Variants in FAF1 observed in about 807,000 individuals in gnomAD.
The protein encoded by FAF1 is Fas associated factor 1.
Under a neutral mutation model 92.5 loss-of-function variants are expected in FAF1, and 25 were observed. The observed-to-expected ratio is 0.27, with a 90% CI of 0.20 to 0.38. FAF1 has a LOEUF of 0.38. FAF1 is among the 10% of genes least tolerant of loss of function. FAF1 has a pLI of 1.00. For synonymous variants in FAF1, 234 were observed against 273.2 expected (o/e 0.86, Z 1.42); for missense variants, 636 against 793.3 (o/e 0.80, Z 2.38).
At chr1:50,641,564 G>A (rs1654330413) in intron 8 of FAF1, among the ~76,000 whole-genome samples, 1 of 152,114 alleles carries the variant, frequency 6.6e-6, no homozygotes, top group Non-Finnish European at 1.5e-5. Flanking sequence ...ATCATCTAAT[G>A]TGTATTGAGA....
At chr1:50,546,729 TCA>T (rs1337404963) in intron 13 of FAF1, among the ~76,000 whole-genome samples, 1 of 152,018 alleles carries the variant, frequency 6.6e-6, no homozygotes, top group Non-Finnish European at 1.5e-5. Context: ...CTGGGGAGGG[TCA>T]CATAGATATG....
intron 8 of FAF1, among the ~76,000 whole-genome samples, chr1:50,628,947 C>A (rs186246965): frequency 1.3e-5 from 2 of 152,176 alleles, no homozygotes; most frequent in East Asian, 3.9e-4. Flanking sequence ...TTTATGTGGT[C>A]ATATCAATAT....
intron 4 of FAF1, among the ~76,000 whole-genome samples, chr1:50,754,923 G>C (rs1386903038): frequency 6.6e-6 from 1 of 152,054 alleles, no homozygotes; most frequent in Non-Finnish European, 1.5e-5. Flanking sequence ...ACTATCATGA[G>C]AACAGCATGG....
chr1:50,483,262 C>A (rs1290466114), intron 17 of FAF1, among the ~76,000 whole-genome samples: 1 of 152,074 alleles, frequency 6.6e-6, no homozygotes, highest in African/African-American at 2.4e-5. Context: ...AAAAGACTAT[C>A]CTTTCCCCAT....
intron 8 of FAF1, among the ~76,000 whole-genome samples, chr1:50,624,399 G>A (rs954384575): frequency 1.3e-5 from 2 of 152,054 alleles, no homozygotes; most frequent in African/African-American, 4.8e-5. Flanking sequence ...TGCCCGCCTC[G>A]GCCTCCCAAA....
At chr1:50,567,290 A>G in intron 12 of FAF1, 59 bp from the exon 13 acceptor site, 1 of 1,358,642 alleles carries the variant, frequency 7.4e-7, no homozygotes. Flanking sequence ...GATTTCTTAA[A>G]TTTTAGAGAG....
chr1:50,803,242 C>A (rs1662067216), intron 2 of FAF1, among the ~76,000 whole-genome samples: 1 of 152,118 alleles, frequency 6.6e-6, no homozygotes. Flanking sequence ...AGAGAATGCT[C>A]TGTGGTGCTG....
chr1:50,854,426 AG>A (rs1644375554), intron 2 of FAF1, among the ~76,000 whole-genome samples: 1 of 152,006 alleles, frequency 6.6e-6, no homozygotes, highest in Admixed American at 6.6e-5. Flanking sequence ...CTCTAAGCGC[AG>A]GACAATGTGA....
In FAF1 at chr1:50,808,786, C is replaced by T. The variant is rs186768573; in HGVS notation, c.115-7109G>A. ...ATTCTGCCTCTATTTTATTGTTTACCCAAAGTCAATCAGGAGCAGGTTAAC... is the reference window on the plus strand; with the variant it reads ...ATTCTGCCTCTATTTTATTGTTTACTCAAAGTCAATCAGGAGCAGGTTAAC... On this transcript the variant is annotated intron_variant, in intron 2 of 18. Coordinates refer to ENST00000396153, the MANE Select transcript of FAF1 (RefSeq NM_007051.3). 1.1e-3 allele frequency among the ~76,000 whole-genome samples: 161 copies of T among 151,836 alleles called. 2 individuals are homozygous for T. Among genetic ancestry groups the T allele is most frequent in the Non-Finnish European group, 5.9e-5 (4 of 67,936 alleles).
intron 7 of FAF1, among the ~76,000 whole-genome samples, chr1:50,688,628 C>T (rs1052236631): frequency 2.0e-5 from 3 of 152,128 alleles, no homozygotes; most frequent in Non-Finnish European, 2.9e-5. Context: ...ACCTGACCAA[C>T]ATGGAGAAAC....
intron 9 of FAF1, among the ~76,000 whole-genome samples, chr1:50,593,955 G>GA (rs1651657998): frequency 1.3e-5 from 2 of 152,016 alleles, no homozygotes; most frequent in Non-Finnish European, 2.9e-5. Flanking sequence ...AATGTAAATG[G>GA]AAAAAAATTT....
At chr1:50,865,501 T>C (rs1220550088) in intron 1 of FAF1, among the ~76,000 whole-genome samples, 1 of 143,604 alleles carries the variant, frequency 7.0e-6, no homozygotes, top group Non-Finnish European at 1.5e-5. Context: ...TGGAATACTA[T>C]GCAGCCATAA....
intron 1 of FAF1, 104 bp from the exon 2 acceptor site, chr1:50,858,101 G>T: frequency 1.4e-6 from 1 of 721,074 alleles, no homozygotes; most frequent in Admixed American, 3.1e-5. Context: ...AATTCAAATA[G>T]GTATATGAAT....
At chr1:50,510,140 T>C (rs1338091051) in intron 15 of FAF1, among the ~76,000 whole-genome samples, 1 of 143,586 alleles carries the variant, frequency 7.0e-6, no homozygotes, top group Non-Finnish European at 1.5e-5. Flanking sequence ...CACTCTAGCC[T>C]GGGTGACAGA....
intron 15 of FAF1, among the ~76,000 whole-genome samples, chr1:50,526,295 A>G (rs960815066): frequency 6.6e-6 from 1 of 151,846 alleles, no homozygotes; most frequent in Non-Finnish European, 1.5e-5. Context: ...AACAATTTTA[A>G]AATTATTTAT....
At chr1:50,554,089 C>T (rs1056089901) in intron 13 of FAF1, among the ~76,000 whole-genome samples, 10 of 150,964 alleles carry the variant, frequency 6.6e-5, no homozygotes, top group Non-Finnish European at 1.3e-4. Context: ...GTTCCTTGAA[C>T]AAAAGGTCCA....
At chr1:50,548,495 T>G (rs1649142087) in intron 13 of FAF1, among the ~76,000 whole-genome samples, 1 of 152,236 alleles carries the variant, frequency 6.6e-6, no homozygotes, top group Non-Finnish European at 1.5e-5. Flanking sequence ...ATGACAATGT[T>G]GACCATACAA....
At chr1:50,901,867 AAAC>A (rs552981469) in intron 1 of FAF1, among the ~76,000 whole-genome samples, 12 of 152,130 alleles carry the variant, frequency 7.9e-5, no homozygotes, top group Non-Finnish European at 1.2e-4. Flanking sequence ...CCTGTCTCAA[AAAC>A]AACAACAACA....
chr1:50,730,501 G>A (rs1229049853), intron 6 of FAF1, among the ~76,000 whole-genome samples: 1 of 151,906 alleles, frequency 6.6e-6, no homozygotes, highest in Non-Finnish European at 1.5e-5. Context: ...TATTTTCAGT[G>A]CACTTACTCT....
Sources: gnomAD v4.1 joint callset for allele counts (sites outside exome capture counted in the v4.1 genomes callset) on GRCh38, gnomAD v4.1.1 for gene constraint, MANE v1.5 for transcripts, NCBI Gene and HGNC (gene_info 2026-07-23, HGNC 2026-07-21) for gene names.